Variants in TBC1D30 observed in about 807,000 individuals in gnomAD.
The protein encoded by TBC1D30 is TBC1 domain family, member 30.
Under a neutral mutation model 63.2 loss-of-function variants are expected in TBC1D30, and 31 were observed. That is an observed-to-expected ratio of 0.49 (90% CI 0.37 to 0.66). The LOEUF (loss-of-function observed/expected upper bound fraction) is 0.66, where lower values mean the gene tolerates loss of function less well. TBC1D30 is among the 30% of genes least tolerant of loss of function. The pLI is 0.00. For synonymous variants in TBC1D30, 307 were observed against 361.5 expected (o/e 0.85, Z 1.71); for missense variants, 810 against 953.6 (o/e 0.85, Z 1.98).
At chr12:64,868,770 C>T (rs1457283619) in intron 10 of TBC1D30, 1 of 174,064 alleles carries the variant, frequency 5.7e-6, no homozygotes, top group Non-Finnish European at 1.2e-5. Context: ...CCCTCTTCTA[C>T]CTGACATCTC....
exon 1 of TBC1D30, chr12:64,759,623 C>G (rs1870419246): frequency 9.2e-6 from 3 of 327,346 alleles, no homozygotes; most frequent in South Asian, 4.5e-5. Context: ...GGGAAAAGGG[C>G]GGAGAACCGG....
intron 2 of TBC1D30, among the ~76,000 whole-genome samples, chr12:64,799,514 C>A (rs1282428362): frequency 6.6e-6 from 1 of 152,160 alleles, no homozygotes; most frequent in Non-Finnish European, 1.5e-5. Context: ...CTGGGCTTTT[C>A]ACTTATAAAA....
rs1192062038 is a variant in TBC1D30, at chr12:64,830,649, A to G, written c.408+147A>G. On this transcript the variant is annotated intron_variant, in intron 4 of 11. Transcript: ENST00000539867. ...GCCTTCTCATTTCATTAGCTTTTTCATGGGGAACCTTGACAATGTGTTGTC... is the reference window on the plus strand; with the variant it reads ...GCCTTCTCATTTCATTAGCTTTTTCGTGGGGAACCTTGACAATGTGTTGTC... The G allele has an allele frequency of 6.8e-6, 5 of 730,646 alleles. No individual in the cohort carries two copies. The East Asian group carries it at 1.1e-4, about 17-fold the overall frequency. The allele number at this position is 730,646 out of a possible 1,614,324, so 45.3% of individuals were successfully genotyped here.
rs1240923851 is a variant in TBC1D30, at chr12:64,875,577, A to T, written c.2075A>T (p.Asn692Ile). 2 of 1,536,088 alleles carry T rather than the reference A, an allele frequency of 1.3e-6. No homozygotes were observed. The highest frequency in any genetic ancestry group is 2.4e-5 in the South Asian group (2 of 84,044). ...GAGCCGCCGAGTGCACCCGAAGAAA[A>T]CAAAGCCACCAGCAAAGCTCCCCAA... ...CPEPPSAPEE[N>I]KATSKAPQGS... The change falls in exon 12 of 12, where the codon AAC becomes ATC. Residue 692 changes from asparagine (N) to isoleucine (I), a missense_variant. By Grantham distance (149) the Asn-to-Ile change is moderately radical (BLOSUM62 -3). Transcript: ENST00000539867.
At position 64,836,677 on chromosome 12, in the gene TBC1D30, A is replaced by G. The variant is rs915263853; in HGVS notation, c.763+19A>G. The G allele has an allele frequency of 4.5e-5, 68 of 1,518,932 alleles. No individual in the cohort carries two copies. Among genetic ancestry groups the G allele is most frequent in the Non-Finnish European group, 5.7e-5 (65 of 1,134,170 alleles). 94.1% of individuals were successfully genotyped at this position (1,518,932 alleles called of 1,614,324 possible). A position where few individuals can be genotyped will look rare whatever the true frequency, so the allele number is the denominator to read the frequency against. On this transcript the variant is annotated intron_variant, in intron 6 of 11. Transcript: ENST00000539867. ...AGTGGAGGTAGGTTTCAATGCTATTATAACTCTGAAAATATTTGTCTTCTC... is the reference window on the plus strand; with the variant it reads ...AGTGGAGGTAGGTTTCAATGCTATTGTAACTCTGAAAATATTTGTCTTCTC...
chr12:64,804,160 T>G (rs1366557476), intron 2 of TBC1D30, among the ~76,000 whole-genome samples: 1 of 152,240 alleles, frequency 6.6e-6, no homozygotes, highest in Non-Finnish European at 1.5e-5. Context: ...TGTCCTCTTT[T>G]ATTTCGTTGA....
intron 1 of TBC1D30, among the ~76,000 whole-genome samples, chr12:64,764,872 C>A (rs1371917160): frequency 1.2e-4 from 18 of 152,150 alleles, no homozygotes; most frequent in Admixed American, 1.2e-3. Flanking sequence ...CAAAGAATGA[C>A]CAAGGTAATG....
chr12:64,835,122 C>T (rs965226005), intron 5 of TBC1D30, among the ~76,000 whole-genome samples: 1 of 152,152 alleles, frequency 6.6e-6, no homozygotes. Flanking sequence ...CCTCCTCTTC[C>T]CGCAGAGACA....
At chr12:64,816,190 A>C (rs920552476) in intron 2 of TBC1D30, among the ~76,000 whole-genome samples, 2 of 151,720 alleles carry the variant, frequency 1.3e-5, no homozygotes, top group African/African-American at 4.8e-5. Context: ...GCACCACCAC[A>C]CCTGGCTAAT....
intron 1 of TBC1D30, among the ~76,000 whole-genome samples, chr12:64,766,976 A>G (rs1273707865): frequency 6.6e-6 from 1 of 152,190 alleles, no homozygotes; most frequent in African/African-American, 2.4e-5. Context: ...CAAAAGGGAA[A>G]TTAGAAAATA....
At chr12:64,837,412 A>G (rs1291719896) in intron 6 of TBC1D30, among the ~76,000 whole-genome samples, 2 of 151,822 alleles carry the variant, frequency 1.3e-5, no homozygotes, top group Non-Finnish European at 2.9e-5. Flanking sequence ...TTTTCTTGCA[A>G]CTAGATGGTC....
chr12:64,803,067 G>A lies in TBC1D30; in HGVS notation c.643+17022G>A, dbSNP rs555276927. 2.6e-3 allele frequency among the ~76,000 whole-genome samples: 397 copies of A among 152,268 alleles called. 2 individuals are homozygous for A. Among genetic ancestry groups the A allele is most frequent in the African/African-American group, 7.8e-3 (322 of 41,528 alleles). ...TCTAGTTCTAGATCCTTGAGGAATC[G>A]CCACACTGACTTCCACAATGGTTGA... On this transcript the variant is annotated intron_variant, in intron 2 of 12. Transcript: ENST00000542120.
At chr12:64,802,212 A>G (rs925782013) in intron 2 of TBC1D30, among the ~76,000 whole-genome samples, 2 of 152,174 alleles carry the variant, frequency 1.3e-5, no homozygotes, top group South Asian at 2.1e-4. Flanking sequence ...ATGCCAGGAC[A>G]TGGTCATTAA....
At chr12:64,781,154 G>A in exon 1 of TBC1D30, 1 of 1,019,762 alleles carries the variant, frequency 9.8e-7, no homozygotes, top group African/African-American at 1.7e-5. Context: ...CGACAGCCTC[G>A]ACAGCTCCAC....
At chr12:64,872,917 C>T (rs2136482737) in intron 11 of TBC1D30, among the ~76,000 whole-genome samples, 1 of 152,272 alleles carries the variant, frequency 6.6e-6, no homozygotes, top group African/African-American at 2.4e-5. Flanking sequence ...ACGGGAAAGA[C>T]CTACCCCCAT....
chr12:64,819,934 G>A (rs775982854), upstream of TBC1D30, among the ~76,000 whole-genome samples: 4 of 152,150 alleles, frequency 2.6e-5, no homozygotes, highest in Non-Finnish European at 5.9e-5. Context: ...GACAGCACTA[G>A]ATCTGGTGGT....
At chr12:64,874,031 A>G (rs761271630) in intron 11 of TBC1D30, among the ~76,000 whole-genome samples, 3 of 152,230 alleles carry the variant, frequency 2.0e-5, no homozygotes, top group African/African-American at 4.8e-5. Flanking sequence ...GAGTCTGGTC[A>G]TAGCCGCAGG....
intron 2 of TBC1D30, among the ~76,000 whole-genome samples, chr12:64,788,590 T>C (rs988649369): frequency 4.6e-5 from 7 of 152,206 alleles, no homozygotes; most frequent in African/African-American, 1.7e-4. Context: ...TTACTTGATT[T>C]ATATAAGGAC....
At chr12:64,844,497 C>T (rs1052423061) in intron 8 of TBC1D30, among the ~76,000 whole-genome samples, 1 of 152,140 alleles carries the variant, frequency 6.6e-6, no homozygotes, top group African/African-American at 2.4e-5. Context: ...TATTCCTCCC[C>T]AAATGTTTAT....
Sources: allele counts gnomAD v4.1 joint callset (sites outside exome capture counted in the v4.1 genomes callset), GRCh38; gene constraint gnomAD v4.1.1; transcripts MANE v1.5; gene names NCBI Gene and HGNC (gene_info 2026-07-23, HGNC 2026-07-21).